UXS1: variants seen among roughly 807,000 people sequenced by gnomAD.
UXS1 encodes the protein UDP-glucuronic acid decarboxylase 1.
UXS1 carries 33 observed loss-of-function variants against 62.6 expected under a neutral mutation model. That is an observed-to-expected ratio of 0.53 (90% CI 0.40 to 0.70). UXS1 has a LOEUF of 0.70. Among genes scored for constraint, UXS1 ranks in the 30% least tolerant of loss-of-function variants. The probability of loss-of-function intolerance (pLI) is 0.00; values close to 1 mark genes in which losing one functional copy is unlikely to be tolerated. For synonymous variants in UXS1, 213 were observed against 206.8 expected (o/e 1.03, Z -0.26); for missense variants, 434 against 556.3 (o/e 0.78, Z 2.21).
intron 1 of UXS1, among the ~76,000 whole-genome samples, chr2:106,173,862 C>T (rs1683712531): frequency 6.6e-6 from 1 of 152,198 alleles, no homozygotes; most frequent in Non-Finnish European, 1.5e-5. Flanking sequence ...TGGATATGGC[C>T]CATGGGCCAC....
intron 10 of UXS1, among the ~76,000 whole-genome samples, chr2:106,109,181 C>G (rs946695777): frequency 1.1e-4 from 16 of 152,030 alleles, no homozygotes; most frequent in South Asian, 8.3e-4. Flanking sequence ...GTCTTTCCCC[C>G]CCGAAAAATC....
Position 106,106,830 on chromosome 2 carries a change from CTT to C in UXS1, c.880-1995_880-1994del, listed in dbSNP as rs541365100. 6.2e-3 allele frequency among the ~76,000 whole-genome samples: 945 copies of C among 152,292 alleles called. 6 individuals are homozygous for C. Among genetic ancestry groups the C allele is most frequent in the African/African-American group, 0.021 (886 of 41,566 alleles). Reference sequence around the variant, plus strand: ...CTACACCAGTGCCGTAGGTGTAACTCTTTTTGTTTTTTACAACCTTATTTTGG... The same window carrying C: ...CTACACCAGTGCCGTAGGTGTAACTCTTTGTTTTTTACAACCTTATTTTGG... On this transcript the variant is annotated intron_variant, in intron 10 of 14. Transcript: ENST00000283148.
At chr2:106,099,354 G>C (rs1206558541) in intron 12 of UXS1, among the ~76,000 whole-genome samples, 2 of 152,118 alleles carry the variant, frequency 1.3e-5, no homozygotes, top group Non-Finnish European at 2.9e-5. Context: ...TCACACATCA[G>C]AGCACCTGTT....
chr2:106,155,919 C>A (rs1682383976), intron 5 of UXS1, among the ~76,000 whole-genome samples: 1 of 152,008 alleles, frequency 6.6e-6, no homozygotes, highest in Non-Finnish European at 1.5e-5. Context: ...GGATCACAGG[C>A]CTAAATTTAA....
intron 1 of UXS1, among the ~76,000 whole-genome samples, chr2:106,192,815 C>T (rs893914989): frequency 1.3e-5 from 2 of 152,074 alleles, no homozygotes; most frequent in Non-Finnish European, 1.5e-5. Context: ...ATTATAGTAC[C>T]GATTTCCCAG....
chr2:106,144,686 G>A (rs1681413720), intron 6 of UXS1, among the ~76,000 whole-genome samples: 1 of 152,198 alleles, frequency 6.6e-6, no homozygotes. Flanking sequence ...ATTGGGTGCT[G>A]GTGAGGACCT....
At chr2:106,118,025 T>C (rs984559262) in intron 9 of UXS1, among the ~76,000 whole-genome samples, 8 of 152,142 alleles carry the variant, frequency 5.3e-5, no homozygotes, top group African/African-American at 1.9e-4. Flanking sequence ...TTCCTGAGGT[T>C]TGCTCTGCAG....
At position 106,158,457 on chromosome 2, in the gene UXS1, C is replaced by T. The variant is rs566508337; in HGVS notation, c.231-339G>A. On this transcript the variant is annotated intron_variant, in intron 4 of 14. Transcript: ENST00000283148. Reference sequence around the variant, plus strand: ...AAAACCACACCATGAGGGAGATGGCCGTGAAACTGCCTTTGCAGAATTGTA... The same window carrying T: ...AAAACCACACCATGAGGGAGATGGCTGTGAAACTGCCTTTGCAGAATTGTA... 4.6e-5 allele frequency among the ~76,000 whole-genome samples: 7 copies of T among 152,280 alleles called. No homozygotes were observed. The South Asian group carries it at 6.2e-4, about 14-fold the overall frequency.
At chr2:106,106,277 T>C (rs1423685851) in intron 10 of UXS1, among the ~76,000 whole-genome samples, 1 of 151,190 alleles carries the variant, frequency 6.6e-6, no homozygotes, top group Non-Finnish European at 1.5e-5. Flanking sequence ...GGCAGGAGAA[T>C]TGCTTGAACC....
chr2:106,194,226 G>A lies in UXS1; in HGVS notation c.16C>T (p.Leu6=). 3.4e-6 allele frequency: 5 copies of A among 1,457,012 alleles called. No individual in the cohort carries two copies. Among genetic ancestry groups the A allele is most frequent in the Non-Finnish European group, 4.5e-6 (5 of 1,100,968 alleles). The allele number at this position is 1,457,012 out of a possible 1,614,324, so 90.3% of individuals were successfully genotyped here. A position where few individuals can be genotyped will look rare whatever the true frequency, so the allele number is the denominator to read the frequency against. The change falls in exon 1 of 15, where the codon CTG becomes TTG. Residue 6 remains leucine (L), a synonymous_variant. Transcript: ENST00000283148. MVSKA[L]LRLVSAVNRR... ...TTGACGGCAGACACGAGGCGCAGCA[G>A]CGCCTTGCTCACCATCCCCGGGAGC...
At chr2:106,096,468 T>A (rs1286060542) in intron 14 of UXS1, among the ~76,000 whole-genome samples, 1 of 152,162 alleles carries the variant, frequency 6.6e-6, no homozygotes, top group Non-Finnish European at 1.5e-5. Flanking sequence ...AGAATGTGTG[T>A]GTGCATGAGA....
rs545736937 is a variant in UXS1, at chr2:106,101,338, C to T, written c.924-220G>A. Reference sequence around the variant, plus strand: ...TGATATATTTGATGTCTGGGATTTGCTTTTTTTGGGTGTGGTGGAGATAGT... The same window carrying T: ...TGATATATTTGATGTCTGGGATTTGTTTTTTTTGGGTGTGGTGGAGATAGT... On this transcript the variant is annotated intron_variant, in intron 11 of 14. Transcript: ENST00000283148. 7.3e-6 allele frequency: 4 copies of T among 545,682 alleles called. No homozygotes were observed. In the East Asian group the frequency reaches 9.6e-5, roughly 13 times the overall value. The allele number at this position is 545,682 out of a possible 1,614,324, so 33.8% of individuals were successfully genotyped here.
At chr2:106,108,792 T>C (rs1294161584) in intron 10 of UXS1, among the ~76,000 whole-genome samples, 1 of 152,188 alleles carries the variant, frequency 6.6e-6, no homozygotes, top group African/African-American at 2.4e-5. Context: ...CCAGCCGCTG[T>C]GCTTTATGTG....
At chr2:106,120,601 C>T (rs1242380023) in intron 9 of UXS1, among the ~76,000 whole-genome samples, 2 of 152,174 alleles carry the variant, frequency 1.3e-5, no homozygotes, top group Non-Finnish European at 2.9e-5. Flanking sequence ...GACCTGTTGG[C>T]CAAGAGCCCA....
intron 6 of UXS1, among the ~76,000 whole-genome samples, chr2:106,137,327 C>G (rs1165309117): frequency 6.6e-6 from 1 of 152,202 alleles, no homozygotes; most frequent in East Asian, 1.9e-4. Flanking sequence ...CAGTTTCCAG[C>G]TAGGATCAGC....
At chr2:106,161,385 G>A (rs1336490475) in intron 4 of UXS1, among the ~76,000 whole-genome samples, 3 of 152,238 alleles carry the variant, frequency 2.0e-5, no homozygotes, top group South Asian at 2.1e-4. Flanking sequence ...GTATTACACC[G>A]TGCCTGGCCC....
intron 1 of UXS1, among the ~76,000 whole-genome samples, chr2:106,173,087 T>C (rs529790804): frequency 7.9e-5 from 12 of 152,360 alleles, no homozygotes; most frequent in African/African-American, 2.6e-4. Context: ...ATCTGTTTAT[T>C]GCCTGTTTGT....
At chr2:106,176,761 G>A (rs1337924759) in intron 1 of UXS1, among the ~76,000 whole-genome samples, 2 of 152,210 alleles carry the variant, frequency 1.3e-5, no homozygotes, top group Non-Finnish European at 2.9e-5. Context: ...GCAGGCTCTA[G>A]CAACCGGCAT....
chr2:106,102,061 A>T (rs1368809521), intron 11 of UXS1: 2 of 152,226 alleles, frequency 1.3e-5, no homozygotes, highest in Admixed American at 1.3e-4. Flanking sequence ...TTCAATTGAA[A>T]AAACCTATTG....
Sources: allele counts gnomAD v4.1 joint callset (sites outside exome capture counted in the v4.1 genomes callset), GRCh38; gene constraint gnomAD v4.1.1; transcripts MANE v1.5; gene names NCBI Gene and HGNC (gene_info 2026-07-23, HGNC 2026-07-21).